Variants in DENND2B observed in about 807,000 individuals in gnomAD.
DENND2B encodes DENN domain containing 2B.
In DENND2B, 32 loss-of-function variants were observed where a neutral mutation model predicts 116.0. That is an observed-to-expected ratio of 0.28 (90% CI 0.21 to 0.37). The LOEUF is 0.37. DENND2B is among the 10% of genes least tolerant of loss of function. The pLI, the probability that DENND2B is intolerant of heterozygous loss-of-function variation, is 1.00. For synonymous variants in DENND2B, 588 were observed against 583.9 expected, an observed-to-expected ratio of 1.01 and a Z score of -0.10; for missense variants, 1,276 against 1,477.7, an observed-to-expected ratio of 0.86 and a Z score of 2.24.
chr11:8,896,187 T>A (rs970641065), intron 1 of DENND2B, among the ~76,000 whole-genome samples: 1 of 152,256 alleles, frequency 6.6e-6, no homozygotes, highest in African/African-American at 2.4e-5. Context: ...CCTACTCTAC[T>A]TGCTAGAGCT....
chr11:8,775,195 A>T (rs1016958925), intron 1 of DENND2B, among the ~76,000 whole-genome samples: 4 of 152,128 alleles, frequency 2.6e-5, no homozygotes, highest in Non-Finnish European at 5.9e-5. Context: ...TCTGGGTCTT[A>T]TAAGTGGATG....
chr11:8,870,488 C>CTGTG (rs1228666264), intron 2 of DENND2B, among the ~76,000 whole-genome samples: 1 of 149,338 alleles, frequency 6.7e-6, no homozygotes, highest in African/African-American at 2.4e-5. Context: ...TTCCGTGTGT[C>CTGTG]TGTGTGTGTT....
chr11:8,776,102 A>G (rs147276155), intron 1 of DENND2B: 138 of 421,958 alleles, frequency 3.3e-4, no homozygotes, highest in African/African-American at 2.4e-3. Context: ...CTGCCCACAC[A>G]GAGATACACA....
intron 1 of DENND2B, among the ~76,000 whole-genome samples, chr11:8,791,850 A>G (rs12287694): frequency 0.23 from 35,630 of 152,166 alleles, 4,537 homozygotes; most frequent in South Asian, 0.34. Context: ...GAAGTTCACA[A>G]ATTTTTAGTA....
chr11:8,695,812 G>A (rs1442393796), intron 18 of DENND2B: 2 of 513,280 alleles, frequency 3.9e-6, no homozygotes, highest in African/African-American at 3.8e-5. Flanking sequence ...CTGCTTCTCA[G>A]TTCAGAGCTG....
rs1240575751 is a variant in DENND2B at position 8,904,472 on chromosome 11, C to G, written c.-256+6349G>C. 3.3e-5 allele frequency among the ~76,000 whole-genome samples: 5 copies of G among 152,134 alleles called. No individual in the cohort carries two copies. The South Asian group carries it at 1.0e-3, about 32-fold the overall frequency. On this transcript the variant is annotated intron_variant, in intron 1 of 22. Coordinates refer to the DENND2B transcript ENST00000534127. ...TATCTACAAAAAAACAAATATCATA[C>G]TTAATGGTAAAAGGCTGAATGTTCT...
intron 4 of DENND2B, chr11:8,718,528 A>G: frequency 6.9e-7 from 1 of 1,443,150 alleles, no homozygotes; most frequent in South Asian, 1.4e-5. Flanking sequence ...AGTGTTCAGT[A>G]ATGATCTGTT....
At chr11:8,758,571 T>C (rs1307702282) in intron 1 of DENND2B, among the ~76,000 whole-genome samples, 2 of 152,208 alleles carry the variant, frequency 1.3e-5, no homozygotes, top group Non-Finnish European at 2.9e-5. Flanking sequence ...GGCCTTCCTT[T>C]TATTTTTAAA....
chr11:8,883,094 CA>C (rs1363191866), intron 1 of DENND2B, among the ~76,000 whole-genome samples: 1 of 152,156 alleles, frequency 6.6e-6, no homozygotes, highest in Non-Finnish European at 1.5e-5. Context: ...GCACAGAATT[CA>C]AAAAGCTAAT....
At chr11:8,745,557 T>C (rs753620126) in intron 2 of DENND2B, among the ~76,000 whole-genome samples, 2 of 152,208 alleles carry the variant, frequency 1.3e-5, no homozygotes, top group Non-Finnish European at 2.9e-5. Context: ...TACCTTCTTA[T>C]AAAGAGATGT....
chr11:8,699,013 G>C, intron 15 of DENND2B, 39 bp from the exon 16 acceptor site: 3 of 1,611,458 alleles, frequency 1.9e-6, no homozygotes, highest in Non-Finnish European at 2.5e-6. Context: ...CTCAGGGCAT[G>C]AGTCCCGCAA....
At chr11:8,834,616 G>T (rs2062347154) in intron 4 of DENND2B, among the ~76,000 whole-genome samples, 1 of 152,196 alleles carries the variant, frequency 6.6e-6, no homozygotes, top group African/African-American at 2.4e-5. Flanking sequence ...GAAGAAAACA[G>T]ACCTAGCTTT....
intron 4 of DENND2B, chr11:8,718,096 A>ACACCCCCC: frequency 3.1e-5 from 2 of 65,006 alleles, no homozygotes; most frequent in East Asian, 5.4e-4. Flanking sequence ...AAGCAGACCC[A>ACACCCCCC]CCCCCCCACC....
chr11:8,799,921 A>T (rs758003448), intron 1 of DENND2B, among the ~76,000 whole-genome samples: 12 of 1,186 alleles, frequency 0.01, no homozygotes, highest in Non-Finnish European at 0.05. Flanking sequence ...CCATGTATTT[A>T]TTATTATTAT....
chr11:8,901,229 C>CTTTTCTTTTCTTTTTTTTTTTT (rs781408078), intron 1 of DENND2B, among the ~76,000 whole-genome samples: 7 of 83,916 alleles, frequency 8.3e-5, no homozygotes, highest in Non-Finnish European at 1.3e-4. Flanking sequence ...CTTTTCTTTT[C>CTTTTCTTTTCTTTTTTTTTTTT]TTTTTTTTTT....
intron 1 of DENND2B, chr11:8,809,620 T>G (rs1028237244): frequency 1.3e-5 from 2 of 152,332 alleles, no homozygotes; most frequent in Non-Finnish European, 2.9e-5. Context: ...CAGCTCACCA[T>G]GTACCACTCC....
At chr11:8,830,307 T>G (rs2062154719) in intron 4 of DENND2B, among the ~76,000 whole-genome samples, 2 of 152,212 alleles carry the variant, frequency 1.3e-5, no homozygotes, top group South Asian at 4.1e-4. Context: ...GACCCAACTT[T>G]AAAGACCAGA....
chr11:8,697,513 C>T lies in DENND2B; in HGVS notation c.3052+12G>A. 6.2e-7 allele frequency: 1 copy of T among 1,607,404 alleles called. No homozygotes were observed. Among genetic ancestry groups the T allele is most frequent in the Non-Finnish European group, 8.5e-7 (1 of 1,174,094 alleles). On this transcript the variant is annotated intron_variant, in intron 17 of 19. Coordinates refer to ENST00000313726, the MANE Select transcript of DENND2B (RefSeq NM_213618.2). ...TGGAGCAGAGCTGACCGTGCCCGGG[C>T]ACTATTCTCACCATCGTCGGAGTCG...
chr11:8,779,287 C>T (rs1364153623), intron 1 of DENND2B, among the ~76,000 whole-genome samples: 3 of 152,138 alleles, frequency 2.0e-5, no homozygotes, highest in Non-Finnish European at 4.4e-5. Context: ...GAGACTATGA[C>T]TCAAGGTCCC....
Sources: allele counts gnomAD v4.1 joint callset (sites outside exome capture counted in the v4.1 genomes callset), GRCh38; gene constraint gnomAD v4.1.1; transcripts MANE v1.5; gene names NCBI Gene and HGNC (gene_info 2026-07-23, HGNC 2026-07-21).